The following PCDH15 variants were observed in gnomAD, a reference collection of about 807,000 sequenced individuals.
PCDH15 encodes the protein protocadherin-15.
Under a neutral mutation model 178.5 loss-of-function variants are expected in PCDH15, and 129 were observed. The observed-to-expected ratio is 0.72, with a 90% confidence interval of 0.63 to 0.84. PCDH15 has a LOEUF of 0.84. PCDH15 is among the 40% of genes least tolerant of loss of function. The pLI is 0.00. For synonymous variants in PCDH15, 800 were observed against 732.0 expected (o/e 1.09, Z -1.50); for missense variants, 2,230 against 2,099.9 (o/e 1.06, Z -1.21).
At chr10:54,733,977 T>TG (rs1943742548) in intron 1 of PCDH15, among the ~76,000 whole-genome samples, 1 of 147,338 alleles carries the variant, frequency 6.8e-6, no homozygotes, top group South Asian at 2.2e-4. Flanking sequence ...GAATGTAAAA[T>TG]GTTAAAACTT....
chr10:55,602,830 C>G (rs1273231634), intron 2 of PCDH15, among the ~76,000 whole-genome samples: 1 of 152,138 alleles, frequency 6.6e-6, no homozygotes. Context: ...AAGCAGAGTG[C>G]CTCTCCACCT....
upstream of PCDH15, among the ~76,000 whole-genome samples, chr10:54,801,890 A>G (rs1421380810): frequency 6.6e-6 from 1 of 152,240 alleles, no homozygotes; most frequent in African/African-American, 2.4e-5. Flanking sequence ...ACAAAGTTTT[A>G]CAGATGGACA....
intron 1 of PCDH15, among the ~76,000 whole-genome samples, chr10:55,273,566 A>G (rs981211685): frequency 6.6e-6 from 1 of 152,114 alleles, no homozygotes; most frequent in Non-Finnish European, 1.5e-5. Flanking sequence ...TGACTGATGT[A>G]TGTTAACATT....
chr10:55,357,203 C>A (rs1235914201), intron 2 of PCDH15, among the ~76,000 whole-genome samples: 1 of 151,618 alleles, frequency 6.6e-6, no homozygotes, highest in African/African-American at 2.4e-5. Context: ...TTGAAAAATT[C>A]AAACATGAAT....
chr10:54,936,081 G>T (rs1192299192), intron 2 of PCDH15, among the ~76,000 whole-genome samples: 1 of 152,020 alleles, frequency 6.6e-6, no homozygotes, highest in Non-Finnish European at 1.5e-5. Flanking sequence ...ACCACAGATT[G>T]ACTTTGGGTC....
chr10:53,964,810 A>G (rs1049567119), intron 21 of PCDH15, among the ~76,000 whole-genome samples: 2 of 152,182 alleles, frequency 1.3e-5, no homozygotes, highest in Admixed American at 1.3e-4. Flanking sequence ...CAGACTTATT[A>G]TAATCATATA....
intron 2 of PCDH15, among the ~76,000 whole-genome samples, chr10:55,517,994 A>G (rs956492800): frequency 6.6e-6 from 1 of 152,144 alleles, no homozygotes; most frequent in African/African-American, 2.4e-5. Flanking sequence ...CTCCTTAAAT[A>G]TCACCTGAGA....
chr10:54,620,381 T>A (rs548327350), intron 2 of PCDH15, among the ~76,000 whole-genome samples: 1 of 152,148 alleles, frequency 6.6e-6, no homozygotes, highest in South Asian at 2.1e-4. Context: ...GAATTTGAGA[T>A]AAAAAAGATT....
At chr10:54,628,858 C>A (rs1331829728) in intron 2 of PCDH15, among the ~76,000 whole-genome samples, 1 of 152,068 alleles carries the variant, frequency 6.6e-6, no homozygotes, top group Non-Finnish European at 1.5e-5. Flanking sequence ...ACTTCCATTT[C>A]AGTTCTTTGA....
intron 23 of PCDH15, among the ~76,000 whole-genome samples, chr10:53,955,464 A>T (rs183407311): frequency 1.2e-4 from 18 of 152,330 alleles, no homozygotes; most frequent in African/African-American, 4.3e-4. Context: ...ACATTCTACG[A>T]TAAATAAATA....
intron 2 of PCDH15, chr10:54,641,085 T>C (rs1025213991): frequency 2.1e-5 from 6 of 282,138 alleles, no homozygotes; most frequent in East Asian, 3.0e-4. Context: ...GCCTGGGCGA[T>C]AGAGCCATTT....
intron 2 of PCDH15, among the ~76,000 whole-genome samples, chr10:54,976,144 T>C (rs566446530): frequency 1.3e-5 from 2 of 152,240 alleles, no homozygotes; most frequent in South Asian, 4.1e-4. Context: ...ATTACTAATA[T>C]TGATATTTGA....
chr10:53,855,740 C>G (rs1483216253), intron 28 of PCDH15, among the ~76,000 whole-genome samples: 3 of 151,382 alleles, frequency 2.0e-5, no homozygotes, highest in Admixed American at 6.6e-5. Flanking sequence ...AAACTGAAAT[C>G]AACAGAAGAC....
At chr10:54,913,263 G>A (rs1350777109) in intron 2 of PCDH15, among the ~76,000 whole-genome samples, 1 of 152,138 alleles carries the variant, frequency 6.6e-6, no homozygotes, top group African/African-American at 2.4e-5. Flanking sequence ...GAAAACCATG[G>A]TTTTGTGGGC....
intron 34 of PCDH15, among the ~76,000 whole-genome samples, chr10:53,816,738 T>C (rs1053890521): frequency 1.3e-5 from 2 of 152,194 alleles, no homozygotes; most frequent in Non-Finnish European, 2.9e-5. Flanking sequence ...AACGATAAAG[T>C]TGTAATGTAT....
intron 9 of PCDH15, among the ~76,000 whole-genome samples, chr10:54,220,164 C>T (rs2052620453): frequency 6.6e-6 from 1 of 152,166 alleles, no homozygotes; most frequent in Non-Finnish European, 1.5e-5. Context: ...GAATAATAGC[C>T]GCTGAGCTGG....
intron 1 of PCDH15, among the ~76,000 whole-genome samples, chr10:54,708,980 T>C (rs983321847): frequency 6.6e-6 from 1 of 152,186 alleles, no homozygotes; most frequent in African/African-American, 2.4e-5. Flanking sequence ...TTTTTATCGC[T>C]TGAGTTAGAC....
At chr10:54,440,240 A>G (rs148309066) in intron 3 of PCDH15, among the ~76,000 whole-genome samples, 2,493 of 152,150 alleles carry the variant, frequency 0.016, 70 homozygotes, top group African/African-American at 0.056. Flanking sequence ...TAAAAGGAAC[A>G]TGAAAGCCCT....
chr10:54,362,722 TA>T (rs1285812825), intron 5 of PCDH15, among the ~76,000 whole-genome samples: 4 of 152,014 alleles, frequency 2.6e-5, no homozygotes, highest in Non-Finnish European at 5.9e-5. Context: ...TAATGTTGCT[TA>T]ATCAATGAGT....
Sources: gnomAD v4.1 joint callset for allele counts (sites outside exome capture counted in the v4.1 genomes callset) on GRCh38, gnomAD v4.1.1 for gene constraint, MANE v1.5 for transcripts, NCBI Gene and HGNC (gene_info 2026-07-23, HGNC 2026-07-21) for gene names.